UBE2U: variants seen among roughly 807,000 people sequenced by gnomAD.
The protein encoded by UBE2U is ubiquitin conjugating enzyme E2 U, also known as ubiquitin-conjugating enzyme E2 U.
A neutral mutation model predicts 41.2 loss-of-function variants in UBE2U; 39 were observed. The observed-to-expected ratio is 0.95, with a 90% CI of 0.73 to 1.24. UBE2U has a LOEUF of 1.24. Ranked by LOEUF, UBE2U falls within the 50% of genes most tolerant of loss-of-function variation. UBE2U has a pLI of 0.00. For missense variants in UBE2U, 336 were observed against 363.1 expected (o/e 0.93, Z 0.61); for synonymous variants, 107 against 117.8 (o/e 0.91, Z 0.60).
chr1:64,239,602 A>C (rs1304211340), intron 7 of UBE2U, among the ~76,000 whole-genome samples: 1 of 144,702 alleles, frequency 6.9e-6, no homozygotes, highest in African/African-American at 2.6e-5. Context: ...CCCACCTGTA[A>C]GTGAGAACAT....
chr1:64,239,855 A>T (rs1644804942), intron 7 of UBE2U, among the ~76,000 whole-genome samples: 1 of 152,150 alleles, frequency 6.6e-6, no homozygotes, highest in South Asian at 2.1e-4. Flanking sequence ...TTATAGCAGC[A>T]TGATTTATAA....
chr1:64,246,274 C>G (rs1449410736), intron 8 of UBE2U, among the ~76,000 whole-genome samples: 13 of 151,942 alleles, frequency 8.6e-5, no homozygotes, highest in African/African-American at 2.9e-4. Flanking sequence ...TTCTACATTT[C>G]TTTGGTGTCT....
intron 8 of UBE2U, among the ~76,000 whole-genome samples, chr1:64,251,028 G>T (rs562607620): frequency 6.6e-6 from 1 of 151,676 alleles, no homozygotes; most frequent in Non-Finnish European, 1.5e-5. Context: ...CCAACCTGCA[G>T]GTTGTGCACA....
chr1:64,219,938 A>G (rs1387274709), intron 5 of UBE2U, among the ~76,000 whole-genome samples: 1 of 151,856 alleles, frequency 6.6e-6, no homozygotes, highest in Admixed American at 6.6e-5. Flanking sequence ...CCTATTATCC[A>G]TCTCTTTGTT....
chr1:64,243,690 A>C (rs1644872471), intron 8 of UBE2U, among the ~76,000 whole-genome samples: 1 of 152,050 alleles, frequency 6.6e-6, no homozygotes, highest in South Asian at 2.1e-4. Context: ...ATCAATCAAT[A>C]CCTTATTCTT....
At chr1:64,236,083 G>A (rs1644662247) in intron 7 of UBE2U, among the ~76,000 whole-genome samples, 1 of 152,166 alleles carries the variant, frequency 6.6e-6, no homozygotes, top group Non-Finnish European at 1.5e-5. Flanking sequence ...TTTACTGGCT[G>A]TGTGACTTTG....
intron 6 of UBE2U, among the ~76,000 whole-genome samples, chr1:64,223,347 C>T (rs567978189): frequency 3.9e-5 from 6 of 152,246 alleles, no homozygotes; most frequent in Non-Finnish European, 5.9e-5. Flanking sequence ...GTAGGCCTGT[C>T]GATCCATTAG....
At chr1:64,205,341 T>G (rs1651226321) in intron 1 of UBE2U, among the ~76,000 whole-genome samples, 1 of 152,218 alleles carries the variant, frequency 6.6e-6, no homozygotes, top group Non-Finnish European at 1.5e-5. Context: ...TTAAATTGGT[T>G]ATTGATTTAC....
chr1:64,237,611 G>A (rs914628686), intron 7 of UBE2U, among the ~76,000 whole-genome samples: 1 of 152,144 alleles, frequency 6.6e-6, no homozygotes, highest in Non-Finnish European at 1.5e-5. Flanking sequence ...GTGTGTGGGA[G>A]ATAAGAAGAC....
intron 6 of UBE2U, among the ~76,000 whole-genome samples, chr1:64,229,642 TCCAA>T (rs1349579882): frequency 1.3e-5 from 2 of 152,180 alleles, no homozygotes. Flanking sequence ...ACAGGAAGGT[TCCAA>T]CCAGAGATAT....
rs150526094 is a variant in UBE2U, at chr1:64,259,008, G to A, written c.678-1595G>A. On this transcript the variant is annotated intron_variant, in intron 8 of 9. Coordinates refer to ENST00000371077, the MANE Select transcript of UBE2U (RefSeq NM_001366232.2). Reference sequence around the variant, plus strand: ...GTTGTTTCCTGACTTTTTAATGATCGTCATTCTAACTGGCGTGAGATGGTA... The same window carrying A: ...GTTGTTTCCTGACTTTTTAATGATCATCATTCTAACTGGCGTGAGATGGTA... Among the ~76,000 whole-genome samples the A allele has an allele frequency of 5.1e-3, 780 of 152,182 alleles. 7 individuals are homozygous for A. Among genetic ancestry groups the A allele is most frequent in the African/African-American group, 0.018 (735 of 41,514 alleles).
At chr1:64,244,539 C>T (rs565800827) in intron 8 of UBE2U, among the ~76,000 whole-genome samples, 4 of 152,102 alleles carry the variant, frequency 2.6e-5, no homozygotes. Flanking sequence ...CCTATCATAA[C>T]TACATTTATT....
At chr1:64,236,338 C>T (rs181838671) in intron 7 of UBE2U, among the ~76,000 whole-genome samples, 73 of 152,220 alleles carry the variant, frequency 4.8e-4, no homozygotes, top group South Asian at 4.6e-3. Context: ...CTACTGCCTC[C>T]GTAATATGAC....
rs867549532 is a variant in UBE2U, at chr1:64,238,982, C to A, written c.596-2670C>A. Reference sequence around the variant, plus strand: ...CCTTGAGCTCAGGAACTGGAGGTGGCAGTGAGCGATGATCATGCCACTGCA... The same window carrying A: ...CCTTGAGCTCAGGAACTGGAGGTGGAAGTGAGCGATGATCATGCCACTGCA... On this transcript the variant is annotated intron_variant, in intron 7 of 9. Transcript: ENST00000371077. Among the ~76,000 whole-genome samples the A allele has an allele frequency of 3.1e-4, 47 of 151,024 alleles. No individual in the cohort carries two copies. The Middle Eastern group carries it at 0.017, about 55-fold the overall frequency.
intron 3 of UBE2U, 86 bp from the exon 4 acceptor site, chr1:64,210,655 AT>A (rs1651607180): frequency 1.1e-6 from 1 of 879,802 alleles, no homozygotes; most frequent in African/African-American, 1.8e-5. Flanking sequence ...AATGCAGATA[AT>A]TTTTCTGGCT....
At chr1:64,218,298 T>C (rs1473544404) in intron 5 of UBE2U, among the ~76,000 whole-genome samples, 1 of 152,086 alleles carries the variant, frequency 6.6e-6, no homozygotes, top group Non-Finnish European at 1.5e-5. Flanking sequence ...CAGGGTAGAG[T>C]GTGGATCTAT....
Position 64,267,186 on chromosome 1 carries a change from A to G in UBE2U, c.932A>G (p.Asn311Ser), listed in dbSNP as rs1645267492. Residue 311 changes from asparagine (N) to serine (S), a missense_variant, in exon 10 of 10, where the codon AAT becomes AGT. Asn to Ser is a conservative substitution (Grantham distance 46, BLOSUM62 1). Coordinates refer to ENST00000371077, the MANE Select transcript of UBE2U (RefSeq NM_001366232.2). ...CTGATCTCCTGGACCAATACTCTCAATACAAATACTTCAGAAGATTAAGCA... is the reference window on the plus strand; with the variant it reads ...CTGATCTCCTGGACCAATACTCTCAGTACAAATACTTCAGAAGATTAAGCA... ...EDLISWTNTL[N>S]TNTSED 5.9e-6 allele frequency: 9 copies of G among 1,532,312 alleles called. No homozygotes were observed. In the East Asian group the frequency reaches 2.2e-4, roughly 38 times the overall value. The allele number at this position is 1,532,312 out of a possible 1,614,324, so 94.9% of individuals were successfully genotyped here.
chr1:64,211,049 C>T (rs1414333174), intron 4 of UBE2U, among the ~76,000 whole-genome samples: 1 of 151,966 alleles, frequency 6.6e-6, no homozygotes, highest in East Asian at 1.9e-4. Context: ...AGTTAAGGCC[C>T]CTCAAGACCA....
chr1:64,231,597 T>G (rs1404712140), intron 6 of UBE2U, among the ~76,000 whole-genome samples: 1 of 152,218 alleles, frequency 6.6e-6, no homozygotes, highest in Admixed American at 6.5e-5. Flanking sequence ...GTCTTAGGTG[T>G]GCATAATTGT....
Sources: gnomAD v4.1 joint callset for allele counts (sites outside exome capture counted in the v4.1 genomes callset) on GRCh38, gnomAD v4.1.1 for gene constraint, MANE v1.5 for transcripts, NCBI Gene and HGNC (gene_info 2026-07-23, HGNC 2026-07-21) for gene names.